RAB1A: variants seen among roughly 807,000 people sequenced by gnomAD.
RAB1A encodes RAB1A, member RAS oncogene family, also known as ras-related protein Rab-1A.
In RAB1A, 2 loss-of-function variants were observed where a neutral mutation model predicts 26.0. The ratio of observed to expected loss-of-function variants is 0.08; its 90% CI spans 0.03 to 0.24. RAB1A has a LOEUF of 0.24. RAB1A is among the 10% of genes least tolerant of loss of function. The pLI is 1.00. For missense variants in RAB1A, 100 were observed against 247.0 expected (o/e 0.40, Z 3.99); for synonymous variants, 84 against 84.9 (o/e 0.99, Z 0.06).
At chr2:65,089,944 C>T (rs1669132092) in intron 4 of RAB1A, among the ~76,000 whole-genome samples, 1 of 152,168 alleles carries the variant, frequency 6.6e-6, no homozygotes, top group Non-Finnish European at 1.5e-5. Context: ...CTCAGGTGAT[C>T]CGCCCGCCTC....
At chr2:65,106,685 G>T (rs1402467203) in intron 1 of RAB1A, among the ~76,000 whole-genome samples, 5 of 37,710 alleles carry the variant, frequency 1.3e-4, no homozygotes, top group Admixed American at 1.1e-3. Context: ...CAGAAGAGGG[G>T]ACTGAAGCAT....
At chr2:65,102,154 T>C (rs909630306) in intron 2 of RAB1A, among the ~76,000 whole-genome samples, 6 of 152,206 alleles carry the variant, frequency 3.9e-5, no homozygotes, top group African/African-American at 1.4e-4. Flanking sequence ...CTTTATATGT[T>C]GAGAATACCA....
chr2:65,103,005 CT>C (rs1669466837), intron 2 of RAB1A, among the ~76,000 whole-genome samples: 2 of 151,600 alleles, frequency 1.3e-5, no homozygotes, highest in Admixed American at 6.6e-5. Flanking sequence ...ACTACAAATG[CT>C]TTTCTTTTCT....
At chr2:65,100,479 G>A (rs1192097570) in intron 2 of RAB1A, among the ~76,000 whole-genome samples, 2 of 151,176 alleles carry the variant, frequency 1.3e-5, no homozygotes, top group Non-Finnish European at 2.9e-5. Flanking sequence ...GTATATAGAG[G>A]CCAGGCGCAG....
chr2:65,124,617 T>C (rs780121484), intron 1 of RAB1A, among the ~76,000 whole-genome samples: 36 of 152,064 alleles, frequency 2.4e-4, no homozygotes, highest in Admixed American at 1.5e-3. Flanking sequence ...CCAATTAATT[T>C]TTCTATGCTT....
At chr2:65,114,495 T>C (rs955416307) in intron 1 of RAB1A, among the ~76,000 whole-genome samples, 4 of 152,254 alleles carry the variant, frequency 2.6e-5, no homozygotes, top group Admixed American at 1.3e-4. Context: ...GGAATTCTTA[T>C]GGTTTAAATG....
chr2:65,125,863 CCTTTTTT>C (rs1414309712), intron 1 of RAB1A, among the ~76,000 whole-genome samples: 1 of 121,964 alleles, frequency 8.2e-6, no homozygotes, highest in African/African-American at 3.5e-5. Flanking sequence ...CTTTCAATTG[CCTTTTTT>C]TTTTTTTTTT....
chr2:65,095,331 C>T (rs1200501426), intron 3 of RAB1A, among the ~76,000 whole-genome samples: 1 of 151,164 alleles, frequency 6.6e-6, no homozygotes, highest in African/African-American at 2.4e-5. Flanking sequence ...CCACGACGCC[C>T]GGACAGCCAC....
At chr2:65,099,138 A>G (rs2103837376) in intron 2 of RAB1A, among the ~76,000 whole-genome samples, 1 of 152,184 alleles carries the variant, frequency 6.6e-6, no homozygotes, top group South Asian at 2.1e-4. Context: ...TGCCTGGCCC[A>G]TTTTATTGGC....
chr2:65,118,325 T>A (rs1669871209), intron 1 of RAB1A, among the ~76,000 whole-genome samples: 1 of 152,236 alleles, frequency 6.6e-6, no homozygotes, highest in Admixed American at 6.5e-5. Flanking sequence ...TTATATTGAT[T>A]ATGCTTGTTT....
At chr2:65,120,131 C>CT (rs927798212) in intron 1 of RAB1A, among the ~76,000 whole-genome samples, 14 of 152,020 alleles carry the variant, frequency 9.2e-5, no homozygotes, top group Non-Finnish European at 1.5e-4. Context: ...ATCTAACCCA[C>CT]TTTAAGACTA....
At chr2:65,114,729 C>A (rs1441687122) in intron 1 of RAB1A, among the ~76,000 whole-genome samples, 1 of 152,008 alleles carries the variant, frequency 6.6e-6, no homozygotes, top group South Asian at 2.1e-4. Flanking sequence ...CCTGTAGTCC[C>A]AGCTACTCGG....
intron 1 of RAB1A, among the ~76,000 whole-genome samples, chr2:65,111,375 A>T (rs1179336514): frequency 7.2e-5 from 11 of 152,092 alleles, no homozygotes; most frequent in Admixed American, 7.2e-4. Flanking sequence ...AAAAAAAAAA[A>T]AATACATCAG....
At chr2:65,090,945 ACTTGGT>A in intron 4 of RAB1A, 32 bp downstream of exon 4, 1 of 1,390,746 alleles carries the variant, frequency 7.2e-7, no homozygotes. Context: ...ATGGCTTCCT[ACTTGGT>A]CACTGTAACA....
intron 4 of RAB1A, among the ~76,000 whole-genome samples, chr2:65,090,493 C>A (rs1162353210): frequency 1.3e-5 from 2 of 152,152 alleles, no homozygotes; most frequent in East Asian, 3.8e-4. Flanking sequence ...TCTTCAGATA[C>A]TCATTCTCAT....
Position 65,102,027 on chromosome 2 carries a change from G to A in RAB1A, c.96+2707C>T, listed in dbSNP as rs111985527. 3.7e-3 allele frequency among the ~76,000 whole-genome samples: 567 copies of A among 152,144 alleles called. 2 individuals carry two copies. Among genetic ancestry groups the A allele is most frequent in the African/African-American group, 0.013 (535 of 41,516 alleles). On this transcript the variant is annotated intron_variant, in intron 2 of 5. Coordinates refer to ENST00000409784, the MANE Select transcript of RAB1A (RefSeq NM_004161.5). ...GCCTCTAAATGCTGGGATTACAGGCGTGACCCACCACACCCAGCCAGCAAT... is the reference window on the plus strand; with the variant it reads ...GCCTCTAAATGCTGGGATTACAGGCATGACCCACCACACCCAGCCAGCAAT...
chr2:65,106,607 T>C (rs1255770994), intron 1 of RAB1A, among the ~76,000 whole-genome samples: 1 of 110,800 alleles, frequency 9.0e-6, no homozygotes, highest in African/African-American at 3.2e-5. Context: ...TTTTTAAAAA[T>C]CCCAAGTGCC....
rs148378015 is a variant in RAB1A, at chr2:65,121,884, C to T, written c.23+8009G>A. Among the ~76,000 whole-genome samples the T allele has an allele frequency of 7.2e-5, 11 of 152,252 alleles. No individual in the cohort carries two copies. The East Asian group carries it at 1.4e-3, about 19-fold the overall frequency. On this transcript the variant is annotated intron_variant, in intron 1 of 5. Coordinates refer to ENST00000409784, the MANE Select transcript of RAB1A (RefSeq NM_004161.5). The stretch of plus-strand genomic sequence containing the variant: ...GGTAAAAAGCTGATAAGCAGCCAAA[C>T]GTAGTGGCTCACGCCTGTAATCCTA...
intron 2 of RAB1A, among the ~76,000 whole-genome samples, chr2:65,103,845 C>A (rs972153683): frequency 1.6e-4 from 24 of 151,832 alleles, no homozygotes; most frequent in Non-Finnish European, 1.8e-4. Context: ...GTGGCACCAT[C>A]TCAGCTCACT....
Sources: gnomAD v4.1 joint callset for allele counts (sites outside exome capture counted in the v4.1 genomes callset) on GRCh38, gnomAD v4.1.1 for gene constraint, MANE v1.5 for transcripts, NCBI Gene and HGNC (gene_info 2026-07-23, HGNC 2026-07-21) for gene names.